Variants in APOBEC3B observed in about 807,000 individuals in gnomAD.
APOBEC3B encodes apolipoprotein B mRNA editing enzyme catalytic subunit 3B, also known as DNA dC->dU-editing enzyme APOBEC-3B.
A neutral mutation model predicts 53.4 loss-of-function variants in APOBEC3B; 29 were observed. That is an observed-to-expected ratio of 0.54 (90% CI 0.40 to 0.74). The LOEUF is 0.74. Ranked by LOEUF, APOBEC3B falls within the 30% of genes least tolerant of loss-of-function variation. The probability of loss-of-function intolerance (pLI) is 0.00; values close to 1 mark genes in which losing one functional copy is unlikely to be tolerated. For missense variants in APOBEC3B, 347 were observed against 496.2 expected, an observed-to-expected ratio of 0.70 and a Z score of 2.86; for synonymous variants, 132 against 184.8, an observed-to-expected ratio of 0.71 and a Z score of 2.32.
rs891311572 is a variant in APOBEC3B at position 38,988,652 on chromosome 22, C to G, written c.570-805C>G. ...TCCTTCCTCCCTTCCTTCCTTCCTT[C>G]CTTCCTTGCTTCCTCTCTCTTTCTC... On this transcript the variant is annotated intron_variant, in intron 4 of 7. Transcript: ENST00000333467. Among the ~76,000 whole-genome samples the G allele has an allele frequency of 2.9e-5, 3 of 102,198 alleles. No individual in the cohort carries two copies. In the East Asian group the frequency reaches 1.2e-3, roughly 42 times the overall value. The allele number at this position is 102,198 out of a possible 152,430, so 67.0% of individuals were successfully genotyped here.
chr22:38,991,690 A>C, intron 6 of APOBEC3B, 64 bp downstream of exon 6: 1 of 1,445,206 alleles, frequency 6.9e-7, no homozygotes, highest in Non-Finnish European at 9.3e-7. Context: ...TGGGAAGAAA[A>C]GGAGAAAGGC....
intron 1 of APOBEC3B, among the ~76,000 whole-genome samples, 155 bp from the exon 2 acceptor site, chr22:38,983,920 A>G (rs1336680576): frequency 6.8e-6 from 1 of 147,784 alleles, no homozygotes; most frequent in Non-Finnish European, 1.5e-5. Flanking sequence ...CTCTCCCCTC[A>G]GTCTTCCTGC....
At chr22:38,991,949 G>A (rs1375426019) in intron 6 of APOBEC3B, 85 bp from the exon 7 acceptor site, 1 of 1,453,266 alleles carries the variant, frequency 6.9e-7, no homozygotes, top group African/African-American at 1.4e-5. Flanking sequence ...CAGGATGTGG[G>A]AAGTCTGTCC....
intron 5 of APOBEC3B, among the ~76,000 whole-genome samples, chr22:38,990,792 AG>A (rs1049201830): frequency 1.4e-5 from 2 of 145,614 alleles, no homozygotes; most frequent in Non-Finnish European, 3.0e-5. Flanking sequence ...ACACTCACTC[AG>A]GGGCATCAGG....
Position 38,987,942 on chromosome 22 carries a change from C to CA in APOBEC3B, c.570-1509dup, listed in dbSNP as rs1414615639. Among the ~76,000 whole-genome samples, 9 of 148,298 alleles carry CA rather than the reference C, an allele frequency of 6.1e-5. 2 individuals carry two copies. In the South Asian group the frequency reaches 1.6e-3, roughly 26 times the overall value. ...CAAAACCTCCTCTCTACTGAAAATACAAAAAATGAGCCAGGCATGGTAGCG... is the reference window on the plus strand; with the variant it reads ...CAAAACCTCCTCTCTACTGAAAATACAAAAAAATGAGCCAGGCATGGTAGCG... On this transcript the variant is annotated intron_variant, in intron 4 of 7. Coordinates refer to ENST00000333467, the MANE Select transcript of APOBEC3B (RefSeq NM_004900.5).
chr22:38,990,921 A>T (rs1174069867), intron 5 of APOBEC3B, among the ~76,000 whole-genome samples: 1 of 146,744 alleles, frequency 6.8e-6, no homozygotes, highest in Non-Finnish European at 1.5e-5. Flanking sequence ...TACAAAATTG[A>T]TGGGGGCTCC....
intron 5 of APOBEC3B, among the ~76,000 whole-genome samples, chr22:38,990,909 G>A (rs1166824220): frequency 6.8e-6 from 1 of 146,196 alleles, no homozygotes; most frequent in Non-Finnish European, 1.5e-5. Context: ...TCTGACCTTG[G>A]GTACAAAATT....
Position 38,983,615 on chromosome 22 carries a change from G to A in APOBEC3B, c.18-460G>A, listed in dbSNP as rs1405686581. ...GCAGGCCTAGGGTAGCCTCACGTGA[G>A]CTCACACCCGCTCAGCACTTAGAAG... On this transcript the variant is annotated intron_variant, in intron 1 of 7. Transcript: ENST00000333467. Among the ~76,000 whole-genome samples, 15 of 149,030 alleles carry A rather than the reference G, an allele frequency of 1.0e-4. 1 individual carries two copies. Among genetic ancestry groups the A allele is most frequent in the Admixed American group, 3.4e-4 (5 of 14,578 alleles).
chr22:38,983,947 A>T, intron 1 of APOBEC3B, 128 bp from the exon 2 acceptor site: 3 of 1,144,414 alleles, frequency 2.6e-6, no homozygotes, highest in East Asian at 3.2e-5. Context: ...AGGCAGCAGA[A>T]ATTCTCAGGG....
At chr22:38,988,693 C>CTTTCTTTCTTTCTTTCTT (rs1923850567) in intron 4 of APOBEC3B, among the ~76,000 whole-genome samples, 1 of 110,538 alleles carries the variant, frequency 9.0e-6, no homozygotes, top group Non-Finnish European at 1.8e-5. Flanking sequence ...CTCTTTCTTT[C>CTTTCTTTCTTTCTTTCTT]TTTCTTTCTT....
At chr22:38,988,691 T>TCTCTCTCTCTCTCTC (rs1447601363) in intron 4 of APOBEC3B, among the ~76,000 whole-genome samples, 2 of 87,908 alleles carry the variant, frequency 2.3e-5, no homozygotes, top group Non-Finnish European at 2.2e-5. Context: ...TTCTCTTTCT[T>TCTCTCTCTCTCTCTC]TCTTTCTTTC....
intron 4 of APOBEC3B, 136 bp from the exon 5 acceptor site, chr22:38,989,321 G>T: frequency 1.3e-6 from 1 of 751,872 alleles, no homozygotes; most frequent in Non-Finnish European, 2.0e-6. Context: ...CCCCCACAAA[G>T]GGAGTGGAAG....
intron 4 of APOBEC3B, among the ~76,000 whole-genome samples, chr22:38,986,992 G>A (rs1310577690): frequency 6.7e-6 from 1 of 148,768 alleles, no homozygotes; most frequent in Non-Finnish European, 1.5e-5. Flanking sequence ...GGTCCCTCCA[G>A]ATGTCCTCCC....
At position 38,992,666 on chromosome 22, in the gene APOBEC3B, T is replaced by C; in HGVS notation, c.*221T>C. ...ATGTTCCAAGTGTACAAGAGTAAGA[T>C]TATGCTCAATATTCCCAGAATAGTT... On this transcript the variant is annotated 3_prime_UTR_variant, in exon 8 of 8. Transcript: ENST00000333467. 7.8e-7 allele frequency: 1 copy of C among 1,281,196 alleles called. No individual in the cohort carries two copies. The highest frequency in any genetic ancestry group is 1.1e-6 in the Non-Finnish European group (1 of 941,764). The allele number at this position is 1,281,196 out of a possible 1,614,324, so 79.4% of individuals were successfully genotyped here. A position where few individuals can be genotyped will look rare whatever the true frequency, so the allele number is the denominator to read the frequency against.
chr22:38,988,673 T>TCTTTCTC (rs1923837605), intron 4 of APOBEC3B, among the ~76,000 whole-genome samples: 1 of 10,516 alleles, frequency 9.5e-5, no homozygotes, highest in African/African-American at 8.5e-4. Context: ...TCCTCTCTCT[T>TCTTTCTC]TCTCTCTTTC....
chr22:38,983,457 G>A lies in APOBEC3B; in HGVS notation c.18-618G>A, dbSNP rs535374286. 6.0e-4 allele frequency among the ~76,000 whole-genome samples: 89 copies of A among 149,030 alleles called. 12 individuals are homozygous for A. The South Asian group carries it at 0.016, about 27-fold the overall frequency. On this transcript the variant is annotated intron_variant, in intron 1 of 7. Transcript: ENST00000333467. ...CCAACAGCTTTCTCCTACAGGATCC[G>A]TGATGCAGAGGCTGGACAGGGCTGG...
chr22:38,992,411 C>A lies in APOBEC3B; in HGVS notation c.1135-20C>A, dbSNP rs1345750620. ...CCACTCTCTCACCTCCTGCTCCATT[C>A]AACCCCCCTGCTCTTCCAGAATCAG... On this transcript the variant is annotated intron_variant, in intron 7 of 7. Transcript: ENST00000333467. 9 of 1,602,018 alleles carry A rather than the reference C, an allele frequency of 5.6e-6. No homozygotes were observed. The highest frequency in any genetic ancestry group is 6.8e-6 in the Non-Finnish European group (8 of 1,172,434).
In APOBEC3B at chr22:38,985,964, T is replaced by A; in HGVS notation, c.327T>A (p.Ser109=). The A allele has an allele frequency of 6.2e-7, 1 of 1,601,348 alleles. No homozygotes were observed. The highest frequency in any genetic ancestry group is 8.5e-7 in the Non-Finnish European group (1 of 1,176,366). ...TGGCGAAGCTGGCCGAATTCCTGTC[T>A]GAGCACCCCAATGTCACCCTGACCA... ...DCVAKLAEFL[S]EHPNVTLTIS... is the part of the protein sequence containing the mutation. The change falls in exon 3 of 8, where the codon TCT becomes TCA. Residue 109 remains serine (S), a synonymous_variant. Transcript: ENST00000333467.
At position 38,985,953 on chromosome 22, in the gene APOBEC3B, G is replaced by A. The variant is rs377714302; in HGVS notation, c.316G>A (p.Glu106Lys). The change falls in exon 3 of 8, where the codon GAA becomes AAA. Residue 106 changes from glutamate to lysine, a missense_variant. Physicochemically the swap from Glu to Lys is moderately conservative, Grantham distance 56. This residue lies in a region of APOBEC3B where 20 missense variants were observed against 50.9 expected (regional missense o/e 0.39). Transcript: ENST00000333467. ...CCCGGACTGTGTGGCGAAGCTGGCCGAATTCCTGTCTGAGCACCCCAATGT... is the reference window on the plus strand; with the variant it reads ...CCCGGACTGTGTGGCGAAGCTGGCCAAATTCCTGTCTGAGCACCCCAATGT... ...PCPDCVAKLA[E>K]FLSEHPNVTL... The A allele has an allele frequency of 5.1e-5, 81 of 1,601,390 alleles. 9 individuals are homozygous for A. The highest frequency in any genetic ancestry group is 3.1e-4 in the South Asian group (28 of 89,670).
Sources: allele counts gnomAD v4.1 joint callset (sites outside exome capture counted in the v4.1 genomes callset), GRCh38; gene constraint gnomAD v4.1.1; regional missense constraint gnomAD v4.1.1; transcripts MANE v1.5; gene names NCBI Gene and HGNC (gene_info 2026-07-23, HGNC 2026-07-21).